Variants in KAZN observed in about 807,000 individuals in gnomAD.
The protein encoded by KAZN is kazrin.
In KAZN, 40 loss-of-function variants were observed where a neutral mutation model predicts 87.4. That is an observed-to-expected ratio of 0.46 (90% CI 0.36 to 0.60). The LOEUF is 0.60. Among genes scored for constraint, KAZN ranks in the 20% least tolerant of loss-of-function variants. The pLI is 0.00. For missense variants in KAZN, 898 were observed against 1,073.9 expected, an observed-to-expected ratio of 0.84 and a Z score of 2.29; for synonymous variants, 466 against 458.3, an observed-to-expected ratio of 1.02 and a Z score of -0.22.
At chr1:14,688,118 A>G (rs1641065164) in intron 1 of KAZN, among the ~76,000 whole-genome samples, 1 of 152,056 alleles carries the variant, frequency 6.6e-6, no homozygotes, top group African/African-American at 2.4e-5. Flanking sequence ...TGCTGCCACC[A>G]TGTCACTCCC....
chr1:14,186,781 A>G (rs972621233), intron 2 of KAZN, among the ~76,000 whole-genome samples: 4 of 152,168 alleles, frequency 2.6e-5, no homozygotes, highest in Non-Finnish European at 5.9e-5. Flanking sequence ...TGCCTGCTGC[A>G]TGCGTGGACT....
At chr1:14,405,981 T>C (rs1374735007) in intron 2 of KAZN, among the ~76,000 whole-genome samples, 5 of 152,190 alleles carry the variant, frequency 3.3e-5, no homozygotes, top group Non-Finnish European at 7.3e-5. Flanking sequence ...CTCAGATGGT[T>C]AATCGGTGCA....
chr1:14,201,757 A>G (rs1646644942), intron 2 of KAZN, among the ~76,000 whole-genome samples: 1 of 152,202 alleles, frequency 6.6e-6, no homozygotes, highest in South Asian at 2.1e-4. Flanking sequence ...CAACCTCCGC[A>G]TCCCAGGTTG....
chr1:14,988,893 C>T (rs896884617), intron 2 of KAZN, among the ~76,000 whole-genome samples: 7 of 152,246 alleles, frequency 4.6e-5, no homozygotes, highest in African/African-American at 1.7e-4. Flanking sequence ...CTTACCACTG[C>T]ATGCGAGACC....
chr1:15,053,391 ATTG>A (rs1674623934), intron 4 of KAZN, among the ~76,000 whole-genome samples: 1 of 152,108 alleles, frequency 6.6e-6, no homozygotes, highest in Non-Finnish European at 1.5e-5. Flanking sequence ...AAGTTACCCC[ATTG>A]TTCTTGCAGT....
intron 2 of KAZN, among the ~76,000 whole-genome samples, chr1:14,269,943 G>T (rs1267913979): frequency 6.6e-6 from 1 of 152,180 alleles, no homozygotes; most frequent in East Asian, 1.9e-4. Context: ...AGACCAGGTA[G>T]TTCCTAAAGA....
At chr1:14,561,086 C>T (rs1262644083) in intron 2 of KAZN, among the ~76,000 whole-genome samples, 6 of 152,130 alleles carry the variant, frequency 3.9e-5, no homozygotes, top group South Asian at 4.1e-4. Flanking sequence ...TTGGTTCCAT[C>T]GGCACCATCA....
intron 8 of KAZN, chr1:15,067,619 C>A (rs192842811): frequency 1.0e-6 from 1 of 985,418 alleles, no homozygotes. Context: ...TTTTCAAATG[C>A]TAGAGTATCT....
intron 1 of KAZN, among the ~76,000 whole-genome samples, chr1:14,661,709 G>A (rs1313999029): frequency 6.6e-6 from 1 of 151,732 alleles, no homozygotes; most frequent in Non-Finnish European, 1.5e-5. Context: ...GAGGTCAGGG[G>A]TTTGAGACCA....
At chr1:14,342,459 C>T (rs564417826) in intron 2 of KAZN, among the ~76,000 whole-genome samples, 1 of 152,304 alleles carries the variant, frequency 6.6e-6, no homozygotes, top group Non-Finnish European at 1.5e-5. Flanking sequence ...CGTATTCTTG[C>T]TTTTTCACTA....
intron 1 of KAZN, among the ~76,000 whole-genome samples, chr1:13,964,962 T>C (rs1291332514): frequency 6.6e-6 from 1 of 151,674 alleles, no homozygotes; most frequent in Non-Finnish European, 1.5e-5. Context: ...GTGGTGTAGA[T>C]AAGAGGGTGC....
At chr1:14,182,716 G>T (rs984849640) in intron 2 of KAZN, among the ~76,000 whole-genome samples, 4 of 152,116 alleles carry the variant, frequency 2.6e-5, no homozygotes, top group African/African-American at 7.2e-5. Flanking sequence ...TCTTTATTGG[G>T]CATTTCGGGG....
intron 2 of KAZN, among the ~76,000 whole-genome samples, chr1:14,487,653 C>T (rs1283489271): frequency 6.6e-6 from 1 of 152,210 alleles, no homozygotes; most frequent in Non-Finnish European, 1.5e-5. Flanking sequence ...TAAGTTCTCT[C>T]TGTGTGACAA....
intron 1 of KAZN, among the ~76,000 whole-genome samples, chr1:14,020,674 G>A (rs1640783204): frequency 6.6e-6 from 1 of 152,222 alleles, no homozygotes; most frequent in Admixed American, 6.5e-5. Context: ...AATTCACCTT[G>A]CTGTGTCTCT....
intron 2 of KAZN, among the ~76,000 whole-genome samples, chr1:14,561,132 A>T (rs1177116134): frequency 1.3e-5 from 2 of 152,212 alleles, no homozygotes; most frequent in East Asian, 3.9e-4. Flanking sequence ...CATATTTCCC[A>T]TACACTGTGG....
chr1:14,343,676 A>G (rs1657901118), intron 2 of KAZN, among the ~76,000 whole-genome samples: 1 of 152,242 alleles, frequency 6.6e-6, no homozygotes, highest in Non-Finnish European at 1.5e-5. Context: ...ACCCGAAATC[A>G]ATACGAAACT....
chr1:14,582,673 C>T (rs1675626417), intron 2 of KAZN, among the ~76,000 whole-genome samples: 1 of 152,186 alleles, frequency 6.6e-6, no homozygotes, highest in African/African-American at 2.4e-5. Flanking sequence ...GGAAGCACCA[C>T]TAACCTAGAC....
chr1:14,387,600 G>C (rs542352331), intron 2 of KAZN, among the ~76,000 whole-genome samples: 2 of 152,288 alleles, frequency 1.3e-5, no homozygotes, highest in South Asian at 2.1e-4. Context: ...CCCCTGCTTG[G>C]GGGGTGCCTC....
At chr1:14,045,017 C>T (rs549270200) in intron 1 of KAZN, among the ~76,000 whole-genome samples, 9 of 152,150 alleles carry the variant, frequency 5.9e-5, no homozygotes, top group Admixed American at 4.6e-4. Context: ...TCAGGGAGGT[C>T]GTAGAGGATG....
Sources: allele counts gnomAD v4.1 joint callset (sites outside exome capture counted in the v4.1 genomes callset), GRCh38; gene constraint gnomAD v4.1.1; transcripts MANE v1.5; gene names NCBI Gene and HGNC (gene_info 2026-07-23, HGNC 2026-07-21).